Variants in DLEU7 observed in about 807,000 individuals in gnomAD.
DLEU7 encodes the protein deleted in lymphocytic leukemia 7.
DLEU7 carries 17 observed loss-of-function variants against 16.0 expected under a neutral mutation model. The observed-to-expected ratio is 1.06, with a 90% CI of 0.73 to 1.59. The LOEUF (loss-of-function observed/expected upper bound fraction) is 1.59. Among genes scored for constraint, DLEU7 ranks in the 40% most tolerant of loss-of-function variants. The pLI, the probability that DLEU7 is intolerant of heterozygous loss-of-function variation, is 0.00. For synonymous variants in DLEU7, 113 were observed against 139.8 expected (o/e 0.81, Z 1.35); for missense variants, 308 against 314.9 (o/e 0.98, Z 0.17).
In DLEU7 at chr13:50,815,136, G is replaced by A. The variant is rs142370440; in HGVS notation, c.459+28052C>T. On this transcript the variant is annotated intron_variant, in intron 1 of 1. Transcript: ENST00000400393. Reference sequence around the variant, plus strand: ...CTAAGAGTCTCCCTCTTTTTCCCCCGCCAAGAACTCATTTTATTTGTTATC... The same window carrying A: ...CTAAGAGTCTCCCTCTTTTTCCCCCACCAAGAACTCATTTTATTTGTTATC... 2.3e-3 allele frequency among the ~76,000 whole-genome samples: 343 copies of A among 151,922 alleles called. 3 individuals carry two copies. The highest frequency in any genetic ancestry group is 4.0e-3 in the African/African-American group (164 of 41,452).
chr13:50,770,517 C>T (rs1330596355), intron 1 of DLEU7, among the ~76,000 whole-genome samples: 2 of 152,180 alleles, frequency 1.3e-5, no homozygotes, highest in African/African-American at 4.8e-5. Context: ...TTTTCTGCAT[C>T]TATTGAGATA....
downstream of DLEU7, chr13:50,822,523 C>T (rs997591791): frequency 2.5e-5 from 16 of 631,588 alleles, no homozygotes; most frequent in South Asian, 1.4e-4. Flanking sequence ...TCTCTCTTCC[C>T]GGCTCTAAAC....
At chr13:50,807,452 A>G (rs1238571939) in intron 1 of DLEU7, among the ~76,000 whole-genome samples, 1 of 151,924 alleles carries the variant, frequency 6.6e-6, no homozygotes, top group African/African-American at 2.4e-5. Context: ...ACCACTGCCT[A>G]TAAAGCCTTT....
intron 1 of DLEU7, among the ~76,000 whole-genome samples, chr13:50,767,780 A>G (rs1357327739): frequency 6.6e-6 from 1 of 152,176 alleles, no homozygotes; most frequent in Non-Finnish European, 1.5e-5. Flanking sequence ...ACACACAGAA[A>G]GCTCCAGGAG....
chr13:50,742,399 C>G (rs939848494), intron 1 of DLEU7, among the ~76,000 whole-genome samples: 1 of 152,056 alleles, frequency 6.6e-6, no homozygotes, highest in African/African-American at 2.4e-5. Flanking sequence ...TTTAAAGAAA[C>G]CCTAAAATGG....
downstream of DLEU7, among the ~76,000 whole-genome samples, chr13:50,820,714 G>T (rs1358088535): frequency 6.6e-6 from 1 of 152,106 alleles, no homozygotes; most frequent in Non-Finnish European, 1.5e-5. Context: ...GAATTATCTA[G>T]TGGATTTTCC....
At chr13:50,752,255 G>C (rs1874591402) in intron 1 of DLEU7, among the ~76,000 whole-genome samples, 1 of 152,046 alleles carries the variant, frequency 6.6e-6, no homozygotes, top group African/African-American at 2.4e-5. Flanking sequence ...GTTTCACCAT[G>C]TTAGCCAGGA....
At chr13:50,743,156 G>T (rs1166487969) in intron 1 of DLEU7, among the ~76,000 whole-genome samples, 1 of 151,798 alleles carries the variant, frequency 6.6e-6, no homozygotes, top group Non-Finnish European at 1.5e-5. Context: ...GAGAGAGAGA[G>T]AATGAAAGAG....
intron 1 of DLEU7, among the ~76,000 whole-genome samples, chr13:50,827,669 A>C (rs1418783991): frequency 6.6e-6 from 1 of 152,242 alleles, no homozygotes; most frequent in African/African-American, 2.4e-5. Flanking sequence ...CCTGGGCAAC[A>C]GAGCGAGACC....
At chr13:50,732,737 CA>C (rs1368932125) in intron 1 of DLEU7, among the ~76,000 whole-genome samples, 43 of 150,294 alleles carry the variant, frequency 2.9e-4, no homozygotes, top group Middle Eastern at 3.4e-3. Context: ...TTTTAAAATT[CA>C]AAATGAATTC....
intron 1 of DLEU7, among the ~76,000 whole-genome samples, chr13:50,770,362 G>T (rs1593388841): frequency 6.6e-6 from 1 of 152,150 alleles, no homozygotes; most frequent in Non-Finnish European, 1.5e-5. Context: ...TTTTCAAAGG[G>T]AATGCTTCCA....
chr13:50,803,491 C>T (rs1876303106), intron 1 of DLEU7, among the ~76,000 whole-genome samples: 1 of 152,088 alleles, frequency 6.6e-6, no homozygotes, highest in African/African-American at 2.4e-5. Flanking sequence ...CCACCAGCCC[C>T]ATGTGGCTCT....
chr13:50,796,544 A>C (rs1876113882), intron 1 of DLEU7, among the ~76,000 whole-genome samples: 1 of 152,180 alleles, frequency 6.6e-6, no homozygotes, highest in Non-Finnish European at 1.5e-5. Flanking sequence ...TTTCCATTTA[A>C]TCTTTTTGAA....
intron 1 of DLEU7, among the ~76,000 whole-genome samples, chr13:50,728,816 C>G (rs1271087822): frequency 6.6e-6 from 1 of 152,008 alleles, no homozygotes; most frequent in South Asian, 2.1e-4. Context: ...AATGCTAAGC[C>G]TGGAATATAA....
At chr13:50,792,357 A>G (rs187067056) in intron 1 of DLEU7, among the ~76,000 whole-genome samples, 7 of 152,322 alleles carry the variant, frequency 4.6e-5, no homozygotes, top group African/African-American at 1.7e-4. Flanking sequence ...TATTAGCTCA[A>G]TAACTACAGA....
intron 1 of DLEU7, among the ~76,000 whole-genome samples, chr13:50,770,477 A>G (rs974248008): frequency 6.6e-6 from 1 of 152,180 alleles, no homozygotes; most frequent in African/African-American, 2.4e-5. Context: ...AATTTTTATC[A>G]TGAAGCGCTG....
At chr13:50,827,069 GA>G in intron 1 of DLEU7, among the ~76,000 whole-genome samples, 1 of 152,186 alleles carries the variant, frequency 6.6e-6, no homozygotes, top group East Asian at 1.9e-4. Context: ...AGTGAACAAA[GA>G]AACTCAAACA....
At chr13:50,714,918 G>T (rs1389355776) in intron 1 of DLEU7, among the ~76,000 whole-genome samples, 1 of 152,222 alleles carries the variant, frequency 6.6e-6, no homozygotes, top group Non-Finnish European at 1.5e-5. Context: ...GGCGCGGCTG[G>T]TGTGTGGGCT....
At chr13:50,799,670 T>G (rs1436006411) in intron 1 of DLEU7, among the ~76,000 whole-genome samples, 1 of 152,188 alleles carries the variant, frequency 6.6e-6, no homozygotes, top group Non-Finnish European at 1.5e-5. Flanking sequence ...TAAAATGGAC[T>G]CTACAAGACG....
Sources: gnomAD v4.1 joint callset for allele counts (sites outside exome capture counted in the v4.1 genomes callset) on GRCh38, gnomAD v4.1.1 for gene constraint, MANE v1.5 for transcripts, NCBI Gene and HGNC (gene_info 2026-07-23, HGNC 2026-07-21) for gene names.